Variants in POLN observed in about 807,000 individuals in gnomAD.
The protein encoded by POLN is DNA polymerase nu, also known as DNA polymerase N.
Under a neutral mutation model 113.5 loss-of-function variants are expected in POLN, and 108 were observed. The ratio of observed to expected loss-of-function variants is 0.95; its 90% confidence interval spans 0.81 to 1.12. POLN has a LOEUF of 1.12. Among genes scored for constraint, POLN ranks in the 50% most tolerant of loss-of-function variants. The probability of loss-of-function intolerance (pLI) is 0.00; values close to 1 mark genes in which losing one functional copy is unlikely to be tolerated. For missense variants in POLN, 1,097 were observed against 1,077.1 expected (o/e 1.02, Z -0.26); for synonymous variants, 386 against 391.5 (o/e 0.99, Z 0.17).
chr4:2,201,277 CAAAAAAAAAAAAA>C (rs35399602), intron 5 of POLN, among the ~76,000 whole-genome samples: 1 of 15,834 alleles, frequency 6.3e-5, no homozygotes, highest in Non-Finnish European at 8.6e-5. Flanking sequence ...CCTACCACTC[CAAAAAAAAAAAAA>C]AAAAAAAAAA....
chr4:2,156,375 C>CTT (rs34241266), intron 16 of POLN: 59 of 384,116 alleles, frequency 1.5e-4, no homozygotes, highest in East Asian at 4.5e-4. Flanking sequence ...GAATTTAGAG[C>CTT]TTTTTTTTTT....
chr4:2,158,572 T>C (rs1732496869), intron 14 of POLN, among the ~76,000 whole-genome samples: 1 of 152,190 alleles, frequency 6.6e-6, no homozygotes, highest in Admixed American at 6.5e-5. Context: ...CCCTCACAGC[T>C]GCCAGGCCCT....
intron 3 of POLN, among the ~76,000 whole-genome samples, chr4:2,226,770 T>C (rs1451645267): frequency 6.6e-6 from 1 of 152,248 alleles, no homozygotes; most frequent in Non-Finnish European, 1.5e-5. Flanking sequence ...TTATTTCCAT[T>C]AATTTCTGAG....
chr4:2,240,181 CAAG>C, intron 2 of POLN: 1 of 1,614,106 alleles, frequency 6.2e-7, no homozygotes, highest in South Asian at 1.1e-5. Context: ...CGTCTCTCCT[CAAG>C]GATTTCTTGA....
intron 2 of POLN, chr4:2,232,096 T>A (rs781195640): frequency 6.2e-7 from 1 of 1,603,882 alleles, no homozygotes; most frequent in Non-Finnish European, 8.5e-7. Context: ...AGCAAGAATA[T>A]CAGTGAGGAG....
intron 7 of POLN, among the ~76,000 whole-genome samples, chr4:2,187,286 C>T (rs1235993794): frequency 6.6e-6 from 1 of 152,152 alleles, no homozygotes; most frequent in Non-Finnish European, 1.5e-5. Context: ...CTCTGTTGCT[C>T]AGGCGGAAGT....
rs544697723 is a variant in POLN, at chr4:2,130,744, T to C, written c.1789+489A>G. ...TTATCATCCATTTCCACTTGTAAAC[T>C]GCTAACAGGGAGGTACCATATCACT... On this transcript the variant is annotated intron_variant, in intron 17 of 25. Transcript: ENST00000511885. Among the ~76,000 whole-genome samples the C allele has an allele frequency of 2.0e-5, 3 of 152,316 alleles. No homozygotes were observed. The South Asian group carries it at 6.2e-4, about 32-fold the overall frequency.
chr4:2,104,577 A>G (rs995732216), intron 19 of POLN, among the ~76,000 whole-genome samples: 22 of 152,024 alleles, frequency 1.4e-4, no homozygotes, highest in African/African-American at 4.8e-4. Context: ...TTTTACCCAA[A>G]CCTCCCCCAG....
chr4:2,147,299 T>G (rs935579796), intron 16 of POLN, among the ~76,000 whole-genome samples: 5 of 152,170 alleles, frequency 3.3e-5, no homozygotes, highest in African/African-American at 1.2e-4. Flanking sequence ...TAAGGAGGTA[T>G]TAGATTTAAG....
At chr4:2,222,340 C>T (rs1326510117) in intron 3 of POLN, among the ~76,000 whole-genome samples, 1 of 151,848 alleles carries the variant, frequency 6.6e-6, no homozygotes, top group African/African-American at 2.4e-5. Context: ...CCCAGGAATT[C>T]GAGACCAGAC....
chr4:2,087,645 CTT>C (rs1730580632), intron 20 of POLN, among the ~76,000 whole-genome samples: 1 of 152,118 alleles, frequency 6.6e-6, no homozygotes, highest in Non-Finnish European at 1.5e-5. Context: ...TTAATAGAAA[CTT>C]TAAAATCCTT....
chr4:2,102,677 T>G (rs1406567639), intron 19 of POLN, among the ~76,000 whole-genome samples: 1 of 152,178 alleles, frequency 6.6e-6, no homozygotes, highest in Non-Finnish European at 1.5e-5. Flanking sequence ...ACAGACATGC[T>G]TAGCCCACTA....
rs1314191548 is a variant in POLN at position 2,078,555 on chromosome 4, C to CA, written c.2387+2402dup. ...GTGCGATCTCAGCTCACTCTAGGGG[C>CA]ACCGTGTGCCTCCCAGTGATCGAGT... On this transcript the variant is annotated intron_variant, in intron 23 of 25. Coordinates refer to ENST00000511885, the MANE Select transcript of POLN (RefSeq NM_181808.4). 17 of 982,110 alleles carry CA rather than the reference C, an allele frequency of 1.7e-5. No individual in the cohort carries two copies. In the African/African-American group the frequency reaches 3.0e-4, roughly 17 times the overall value. 60.8% of individuals were successfully genotyped at this position (982,110 alleles called of 1,614,324 possible). A position where few individuals can be genotyped will look rare whatever the true frequency, so the allele number is the denominator to read the frequency against.
chr4:2,174,974 C>A (rs571949299), intron 9 of POLN, among the ~76,000 whole-genome samples: 2 of 152,154 alleles, frequency 1.3e-5, no homozygotes, highest in African/African-American at 2.4e-5. Context: ...AGGCACCCCC[C>A]ACCATGCCAG....
At chr4:2,211,250 AAATAATAATAATAATAATAATAAT>A (rs71167780) in intron 4 of POLN, among the ~76,000 whole-genome samples, 4 of 139,824 alleles carry the variant, frequency 2.9e-5, no homozygotes, top group African/African-American at 7.9e-5. Flanking sequence ...CTCCGTCTCC[AAATAATAATAATAATAATAATAAT>A]AATAATAATA....
intron 13 of POLN, among the ~76,000 whole-genome samples, chr4:2,166,787 C>G (rs1732739588): frequency 6.6e-6 from 1 of 152,124 alleles, no homozygotes; most frequent in South Asian, 2.1e-4. Context: ...GTTACACCGT[C>G]AGCTTCCCTG....
At chr4:2,236,154 A>T (rs1734755822) in intron 2 of POLN, 1 of 836,374 alleles carries the variant, frequency 1.2e-6, no homozygotes, top group Non-Finnish European at 1.9e-6. Context: ...TCCTCATGTT[A>T]ACATTTTCTT....
At chr4:2,193,633 C>T (rs1365320024) in intron 6 of POLN, among the ~76,000 whole-genome samples, 7 of 152,168 alleles carry the variant, frequency 4.6e-5, no homozygotes, top group Non-Finnish European at 1.0e-4. Flanking sequence ...AGAGCCAGGC[C>T]CCAAGATGAC....
chr4:2,087,258 T>C (rs575247389), intron 20 of POLN, among the ~76,000 whole-genome samples: 6 of 152,382 alleles, frequency 3.9e-5, no homozygotes, highest in Admixed American at 3.9e-4. Context: ...TTGTGATATA[T>C]TCACAAATAA....
Sources: allele counts gnomAD v4.1 joint callset (sites outside exome capture counted in the v4.1 genomes callset), GRCh38; gene constraint gnomAD v4.1.1; transcripts MANE v1.5; gene names NCBI Gene and HGNC (gene_info 2026-07-23, HGNC 2026-07-21).